Variants in ARF3 observed in about 807,000 individuals in gnomAD.
ARF3 encodes the protein ARF GTPase 3.
Under a neutral mutation model 19.3 loss-of-function variants are expected in ARF3, and 5 were observed. The ratio of observed to expected loss-of-function variants is 0.26; its 90% CI spans 0.14 to 0.54. The LOEUF (loss-of-function observed/expected upper bound fraction) is 0.54, where lower values mean the gene tolerates loss of function less well. ARF3 is among the 20% of genes least tolerant of loss of function. ARF3 has a pLI of 0.95. For synonymous variants in ARF3, 71 were observed against 89.2 expected, an observed-to-expected ratio of 0.80 and a Z score of 1.15; for missense variants, 77 against 234.2, an observed-to-expected ratio of 0.33 and a Z score of 4.38.
chr12:48,950,812 T>C (rs866953085), intron 1 of ARF3, among the ~76,000 whole-genome samples: 1 of 151,544 alleles, frequency 6.6e-6, no homozygotes, highest in African/African-American at 2.4e-5. Flanking sequence ...GAGACGGAGT[T>C]TTTGCTCTTG....
rs988874173 is a variant in ARF3 at position 48,938,877 on chromosome 12, T to A, written c.*70A>T. ...CCACACTTGCATGGAGAGGAAGGGG[T>A]AGGACTGGGGCAGGGTGACAGTAGG... On this transcript the variant is annotated 3_prime_UTR_variant, in exon 5 of 5. Transcript: ENST00000256682. 2 of 1,560,346 alleles carry A rather than the reference T, an allele frequency of 1.3e-6. No individual in the cohort carries two copies. Among genetic ancestry groups the A allele is most frequent in the Non-Finnish European group, 1.7e-6 (2 of 1,149,806 alleles).
Position 48,939,796 on chromosome 12 carries a change from T to C in ARF3, c.260-17A>G, listed in dbSNP as rs943128279. The C allele has an allele frequency of 1.2e-6, 2 of 1,613,838 alleles. No individual in the cohort carries two copies. The highest frequency in any genetic ancestry group is 2.2e-5 in the East Asian group (1 of 44,870). Reference sequence around the variant, plus strand: ...ATATCAACCCTAGGAAGGCAGAGCATGGGCTGCACTAAGATGACAGGTAAC... The same window carrying C: ...ATATCAACCCTAGGAAGGCAGAGCACGGGCTGCACTAAGATGACAGGTAAC... On this transcript the variant is annotated splice_polypyrimidine_tract_variant and intron_variant, in intron 3 of 4. Coordinates refer to ENST00000256682, the MANE Select transcript of ARF3 (RefSeq NM_001659.3). This position sits in a 1 kb window ranked among gnomAD's most constrained non-coding sequence, Gnocchi z 4.8.
chr12:48,947,509 T>C (rs1349083177), intron 1 of ARF3, among the ~76,000 whole-genome samples: 1 of 152,150 alleles, frequency 6.6e-6, no homozygotes, highest in African/African-American at 2.4e-5. Flanking sequence ...GATTTCACCA[T>C]GTTAACCAGG....
intron 1 of ARF3, among the ~76,000 whole-genome samples, chr12:48,950,722 A>T (rs78955194): frequency 0.13 from 19,601 of 151,938 alleles, 1,868 homozygotes; most frequent in African/African-American, 0.27. Context: ...TGTCTCTATG[A>T]ATCTGTTACT....
At chr12:48,955,468 T>C (rs1246933635) in intron 1 of ARF3, among the ~76,000 whole-genome samples, 1 of 152,188 alleles carries the variant, frequency 6.6e-6, no homozygotes, top group African/African-American at 2.4e-5. Flanking sequence ...ATATTTTTCT[T>C]TTTGGGTCTT....
chr12:48,936,994 C>G lies in ARF3; in HGVS notation c.*1953G>C, dbSNP rs187995169. On this transcript the variant is annotated 3_prime_UTR_variant, in exon 5 of 5. Transcript: ENST00000256682. ...TAAATGAAATAGAACCTCCAACACC[C>G]CCCCCACAACCACCACACACAAACA... 1 of 152,040 alleles carries G rather than the reference C, an allele frequency of 6.6e-6. No homozygotes were observed. The highest frequency in any genetic ancestry group is 1.5e-5 in the Non-Finnish European group (1 of 68,034). 9.4% of individuals were successfully genotyped at this position (152,040 alleles called of 1,614,324 possible).
At chr12:48,941,219 C>T in intron 1 of ARF3, 31 bp from the exon 2 acceptor site, 1 of 1,153,440 alleles carries the variant, frequency 8.7e-7, no homozygotes, top group African/African-American at 1.6e-5. Flanking sequence ...ATCATACCAT[C>T]ATTTGCTTGT....
rs1388390021 is a variant in ARF3 at position 48,938,870 on chromosome 12, G to A, written c.*77C>T. 2.6e-6 allele frequency: 4 copies of A among 1,546,462 alleles called. No homozygotes were observed. In the African/African-American group the frequency reaches 5.4e-5, roughly 21 times the overall value. ...GCCCTGGCCACACTTGCATGGAGAGGAAGGGGTAGGACTGGGGCAGGGTGA... is the reference window on the plus strand; with the variant it reads ...GCCCTGGCCACACTTGCATGGAGAGAAAGGGGTAGGACTGGGGCAGGGTGA... On this transcript the variant is annotated 3_prime_UTR_variant, in exon 5 of 5. Coordinates refer to ENST00000256682, the MANE Select transcript of ARF3 (RefSeq NM_001659.3).
intron 1 of ARF3, among the ~76,000 whole-genome samples, chr12:48,948,833 A>G (rs1413154631): frequency 2.0e-5 from 3 of 151,976 alleles, no homozygotes; most frequent in African/African-American, 7.2e-5. Flanking sequence ...AAGAAAGAAA[A>G]TGATGAGGGA....
In ARF3 at chr12:48,939,446, T is replaced by C. The variant is rs1180662979; in HGVS notation, c.384+209A>G. Among the ~76,000 whole-genome samples the C allele has an allele frequency of 6.6e-6, 1 of 152,116 alleles. No individual in the cohort carries two copies. The highest frequency in any genetic ancestry group is 1.9e-4 in the East Asian group (1 of 5,200). On this transcript the variant is annotated intron_variant, in intron 4 of 4. Transcript: ENST00000256682. The surrounding 1 kb of genome is among the most constrained non-coding windows in gnomAD (Gnocchi z 4.8). ...TAACAGGCAAGATGAAAGAAAGATT[T>C]GAGACAATTCCTGAGGACTGAAATG...
At chr12:48,954,887 C>T (rs1046855290) in intron 1 of ARF3, among the ~76,000 whole-genome samples, 1 of 152,126 alleles carries the variant, frequency 6.6e-6, no homozygotes, top group Non-Finnish European at 1.5e-5. Context: ...GGCATGGTGG[C>T]ACACGCATGT....
intron 1 of ARF3, among the ~76,000 whole-genome samples, chr12:48,951,142 G>A (rs1050577713): frequency 2.0e-5 from 3 of 152,188 alleles, no homozygotes; most frequent in Admixed American, 6.5e-5. Flanking sequence ...TCCTCTCAGC[G>A]TTTTAGACAC....
intron 1 of ARF3, among the ~76,000 whole-genome samples, chr12:48,950,165 T>G (rs1940439694): frequency 6.6e-6 from 1 of 152,158 alleles, no homozygotes; most frequent in Non-Finnish European, 1.5e-5. Context: ...CAATCCTGAG[T>G]AACTGGGACT....
At chr12:48,954,407 TA>T (rs1297958965) in intron 1 of ARF3, among the ~76,000 whole-genome samples, 19 of 152,246 alleles carry the variant, frequency 1.2e-4, no homozygotes. Flanking sequence ...TGAGTGTTCA[TA>T]TTATTAGGAT....
chr12:48,941,621 T>C (rs540124014), intron 1 of ARF3: 2 of 152,366 alleles, frequency 1.3e-5, no homozygotes, highest in African/African-American at 4.8e-5. Context: ...GGAGTGGCTC[T>C]CTGTGACTCC....
At chr12:48,945,583 C>T (rs370396620) in intron 1 of ARF3, among the ~76,000 whole-genome samples, 1 of 151,660 alleles carries the variant, frequency 6.6e-6, no homozygotes, top group Non-Finnish European at 1.5e-5. Flanking sequence ...ATTAGCTGGG[C>T]GTGGTGGTAC....
chr12:48,954,880 A>G (rs921434950), intron 1 of ARF3, among the ~76,000 whole-genome samples: 1 of 152,150 alleles, frequency 6.6e-6, no homozygotes, highest in Non-Finnish European at 1.5e-5. Flanking sequence ...TTCGCTGGGC[A>G]TGGTGGCACA....
intron 2 of ARF3, among the ~76,000 whole-genome samples, 161 bp downstream of exon 2, chr12:48,940,787 C>T (rs1940242995): frequency 6.6e-6 from 1 of 152,222 alleles, no homozygotes; most frequent in Non-Finnish European, 1.5e-5. Context: ...ACAGCAGCCT[C>T]AGCACCTGGT....
In ARF3 at chr12:48,939,427, G is replaced by A. The variant is rs1163518829; in HGVS notation, c.384+228C>T. On this transcript the variant is annotated intron_variant, in intron 4 of 4. Coordinates refer to ENST00000256682, the MANE Select transcript of ARF3 (RefSeq NM_001659.3). The surrounding 1 kb of genome is among the most constrained non-coding windows in gnomAD (Gnocchi z 4.8). Reference sequence around the variant, plus strand: ...CCAATTCTCCTAAAGTAGATAACAGGCAAGATGAAAGAAAGATTTGAGACA... The same window carrying A: ...CCAATTCTCCTAAAGTAGATAACAGACAAGATGAAAGAAAGATTTGAGACA... Among the ~76,000 whole-genome samples the A allele has an allele frequency of 6.6e-6, 1 of 152,152 alleles. No homozygotes were observed. The highest frequency in any genetic ancestry group is 1.5e-5 in the Non-Finnish European group (1 of 68,026).
Sources: allele counts gnomAD v4.1 joint callset (sites outside exome capture counted in the v4.1 genomes callset), GRCh38; gene constraint gnomAD v4.1.1; non-coding constraint Gnocchi (gnomAD v3.1); transcripts MANE v1.5; gene names NCBI Gene and HGNC (gene_info 2026-07-23, HGNC 2026-07-21).